Variants in TNC observed in about 807,000 individuals in gnomAD.
TNC encodes tenascin.
TNC carries 109 observed loss-of-function variants against 202.4 expected under a neutral mutation model. The observed-to-expected ratio is 0.54, with a 90% CI of 0.46 to 0.63. The LOEUF is 0.63. TNC is among the 30% of genes least tolerant of loss of function. TNC has a pLI of 0.00. For synonymous variants in TNC, 1,007 were observed against 1,089.7 expected (o/e 0.92, Z 1.50); for missense variants, 2,756 against 2,833.3 (o/e 0.97, Z 0.62).
chr9:115,075,987 G>T, intron 9 of TNC, 45 bp downstream of exon 9: 2 of 1,549,348 alleles, frequency 1.3e-6, no homozygotes, highest in Non-Finnish European at 1.8e-6. Flanking sequence ...TGTCTCATCT[G>T]CCCAGCACCA....
Position 115,086,700 on chromosome 9 carries a change from G to T in TNC, c.1031C>A (p.Pro344His), listed in dbSNP as rs1004991917. 6.2e-7 allele frequency: 1 copy of T among 1,613,912 alleles called. No individual in the cohort carries two copies. Among genetic ancestry groups the T allele is most frequent in the Non-Finnish European group, 8.5e-7 (1 of 1,180,042 alleles). ...EGFTGEDCGK[P>H]TCPHACHTQG... ...GGTGTGGCAGGCATGTGGGCAGGTG[G>T]GTTTCCCGCAGTCTTCACCTGTGAA... The change falls in exon 3 of 28, where the codon CCC (proline) becomes CAC (histidine). Residue 344 changes from proline (P) to histidine (H), a missense_variant. By Grantham distance (77) the Pro-to-His change is moderately conservative. This residue lies in a region of TNC where 2,559 missense variants were observed against 2,546.0 expected (regional missense o/e 1.01). Transcript: ENST00000350763.
intron 3 of TNC, among the ~76,000 whole-genome samples, chr9:115,084,939 G>A (rs1834593564): frequency 6.6e-6 from 1 of 152,158 alleles, no homozygotes; most frequent in Non-Finnish European, 1.5e-5. Flanking sequence ...TTTAGAACTT[G>A]TATCTCCTCC....
intron 10 of TNC, among the ~76,000 whole-genome samples, chr9:115,066,997 C>A (rs536954312): frequency 3.2e-4 from 49 of 152,180 alleles, no homozygotes; most frequent in Non-Finnish European, 5.9e-4. Flanking sequence ...CGACTCATAT[C>A]CTAAAGCTTA....
intron 22 of TNC, 95 bp downstream of exon 22, chr9:115,035,109 G>T: frequency 1.4e-6 from 2 of 1,411,234 alleles, no homozygotes; most frequent in African/African-American, 1.5e-5. Flanking sequence ...CAGATGCACT[G>T]GGGTAGAAAA....
chr9:115,087,676 T>C (rs1201953752), intron 2 of TNC, among the ~76,000 whole-genome samples: 2 of 150,504 alleles, frequency 1.3e-5, no homozygotes, highest in Non-Finnish European at 2.9e-5. Flanking sequence ...AGGCTGGGGC[T>C]ATGTTACTAT....
rs769746023 is a variant in TNC, at chr9:115,064,739, G to A, written c.3395C>T (p.Pro1132Leu). ...VPGSLRAVDI[P>L]GLKAATPYTV... The stretch of plus-strand genomic sequence containing the variant: ...ATAAGGCGTAGCAGCCTTGAGGCCC[G>A]GTATGTCCACAGCCCGAAGGCTGCC... Residue 1132 changes from proline to leucine, a missense_variant, in exon 11 of 28, where the codon CCG (proline) becomes CTG (leucine). Pro to Leu is a moderately conservative substitution (Grantham distance 98). This residue lies in a region of TNC where 2,559 missense variants were observed against 2,546.0 expected (regional missense o/e 1.01). Coordinates refer to ENST00000350763, the MANE Select transcript of TNC (RefSeq NM_002160.4). 4.8e-5 allele frequency: 77 copies of A among 1,614,036 alleles called. No individual in the cohort carries two copies. The highest frequency in any genetic ancestry group is 1.6e-4 in the Middle Eastern group (1 of 6,084).
intron 4 of TNC, among the ~76,000 whole-genome samples, chr9:115,083,207 T>C (rs1834439099): frequency 6.6e-6 from 1 of 152,152 alleles, no homozygotes. Context: ...GTGAGTGATA[T>C]ACTCCACTCC....
intron 11 of TNC, among the ~76,000 whole-genome samples, chr9:115,064,392 G>C (rs899874637): frequency 1.3e-5 from 2 of 152,120 alleles, no homozygotes; most frequent in African/African-American, 2.4e-5. Context: ...GGAGCTAAAG[G>C]CCCTCTGCAT....
At chr9:115,111,920 A>G (rs1379563007) in intron 1 of TNC, among the ~76,000 whole-genome samples, 1 of 152,090 alleles carries the variant, frequency 6.6e-6, no homozygotes, top group African/African-American at 2.4e-5. Context: ...TGAGACATCA[A>G]CCCTGTCCAA....
intron 1 of TNC, among the ~76,000 whole-genome samples, chr9:115,092,227 G>A (rs938285410): frequency 2.0e-5 from 3 of 152,182 alleles, no homozygotes; most frequent in East Asian, 1.9e-4. Flanking sequence ...GGAAAGGGAG[G>A]GTAAAATTTA....
intron 7 of TNC, 147 bp downstream of exon 7, chr9:115,077,796 A>G (rs1833990013): frequency 2.4e-6 from 2 of 849,624 alleles, no homozygotes; most frequent in South Asian, 5.5e-5. Flanking sequence ...ATAAATTGCT[A>G]CAATATTTTA....
Position 115,020,985 on chromosome 9 carries a change from G to A in TNC, c.*172C>T. The A allele has an allele frequency of 3.5e-6, 2 of 563,696 alleles. No homozygotes were observed. The highest frequency in any genetic ancestry group is 4.9e-5 in the South Asian group (2 of 40,422). The allele number at this position is 563,696 out of a possible 1,614,324, so 34.9% of individuals were successfully genotyped here. On this transcript the variant is annotated 3_prime_UTR_variant, in exon 28 of 28. Transcript: ENST00000350763. ...CTTTGGTGCAAAGAAAGAAATCACA[G>A]AGGAGGTGAGGCCCATGCTGTTGCC... is the stretch of plus-strand genomic sequence containing the variant.
rs1406121858 is a variant in TNC at position 115,057,239 on chromosome 9, A to G, written c.4493T>C (p.Leu1498Pro). Residue 1498 changes from leucine (L) to proline (P), a missense_variant, in exon 15 of 28, where the codon CTA (leucine) becomes CCA (proline). Leu to Pro is a moderately conservative substitution (Grantham distance 98). Coordinates refer to ENST00000350763, the MANE Select transcript of TNC (RefSeq NM_002160.4). Reference sequence around the variant, plus strand: ...GACAATAAAATCAGTACTAGGGGGTAGCCCTGAGATATGGGCAGTTCGTTC... The same window carrying G: ...GACAATAAAATCAGTACTAGGGGGTGGCCCTGAGATATGGGCAGTTCGTTC... ...GAERTAHISG[L>P]PPSTDFIVYL... is the part of the protein sequence containing the mutation. The G allele has an allele frequency of 6.2e-7, 1 of 1,614,206 alleles. No homozygotes were observed.
Position 115,046,690 on chromosome 9 carries a change from G to A in TNC, c.4853-8C>T, listed in dbSNP as rs973127649. 1 of 1,611,340 alleles carries A rather than the reference G, an allele frequency of 6.2e-7. No homozygotes were observed. On this transcript the variant is annotated splice_region_variant and splice_polypyrimidine_tract_variant and intron_variant, in intron 16 of 27. Transcript: ENST00000350763. ...CAACTTCCGGTTCGGCTTCTAGAGG[G>A]AGAGAAAATGGTGGGAGAAGGAGGA...
chr9:115,081,828 A>T lies in TNC; in HGVS notation c.2348T>A (p.Leu783Gln). The T allele has an allele frequency of 6.2e-7, 1 of 1,612,186 alleles. No individual in the cohort carries two copies. The highest frequency in any genetic ancestry group is 8.5e-7 in the Non-Finnish European group (1 of 1,179,516). ...CCGGGTATTGTTTTTCACTATGTGC[A>T]GAGATATCTCATACTCTTGCCCAGG... Reference protein sequence around the residue: ...LAPGQEYEISLHIVKNNTRGP... With the variant: ...LAPGQEYEISQHIVKNNTRGP... Residue 783 changes from leucine to glutamine, a missense_variant, in exon 6 of 28, where the codon CTG (leucine) becomes CAG (glutamine). Around this residue, in one of 2 missense-constraint regions of TNC, gnomAD observed 2,559 missense variants for 2,546.0 expected, o/e 1.01. Coordinates refer to ENST00000350763, the MANE Select transcript of TNC (RefSeq NM_002160.4).
intron 21 of TNC, 142 bp downstream of exon 21, chr9:115,035,956 G>C (rs981803480): frequency 3.1e-6 from 3 of 970,186 alleles, no homozygotes; most frequent in Admixed American, 2.3e-5. Context: ...GTGGGCACTG[G>C]TGAATTTAAG....
At position 115,086,734 on chromosome 9, in the gene TNC, C is replaced by T. The variant is rs781485268; in HGVS notation, c.997G>A (p.Glu333Lys). 17 of 1,613,884 alleles carry T rather than the reference C, an allele frequency of 1.1e-5. No individual in the cohort carries two copies. Among genetic ancestry groups the T allele is most frequent in the Middle Eastern group, 3.3e-4 (2 of 6,084 alleles). Reference sequence around the variant, plus strand: ...CAGTCTTCACCTGTGAAGCCTTCTTCGCAGTAGCAGGTGCCATTGATGCAG... The same window carrying T: ...CAGTCTTCACCTGTGAAGCCTTCTTTGCAGTAGCAGGTGCCATTGATGCAG... ...GRCINGTCYC[E>K]EGFTGEDCGK... The change falls in exon 3 of 28, where the codon GAA becomes AAA. Residue 333 changes from glutamate (E) to lysine (K), a missense_variant. Around this residue, in one of 2 missense-constraint regions of TNC, gnomAD observed 2,559 missense variants for 2,546.0 expected, o/e 1.01. Coordinates refer to ENST00000350763, the MANE Select transcript of TNC (RefSeq NM_002160.4).
intron 2 of TNC, among the ~76,000 whole-genome samples, chr9:115,090,200 A>G (rs1400350276): frequency 1.3e-5 from 2 of 152,134 alleles, no homozygotes; most frequent in Non-Finnish European, 2.9e-5. Context: ...CCTATCAGAG[A>G]GTGCTCTCTG....
rs375232459 is a variant in TNC at position 115,081,847 on chromosome 9, G to T, written c.2329C>A (p.Gln777Lys). 9.9e-6 allele frequency: 16 copies of T among 1,608,314 alleles called. No individual in the cohort carries two copies. The highest frequency in any genetic ancestry group is 1.4e-5 in the Non-Finnish European group (16 of 1,178,498). The change falls in exon 6 of 28, where the codon CAA becomes AAA. Residue 777 changes from glutamine to lysine, a missense_variant. Physicochemically the swap from Gln to Lys is moderately conservative, Grantham distance 53 (BLOSUM62 1). This residue lies in a region of TNC where 2,559 missense variants were observed against 2,546.0 expected (regional missense o/e 1.01). Coordinates refer to ENST00000350763, the MANE Select transcript of TNC (RefSeq NM_002160.4). ...SYRQTGLAPG[Q>K]EYEISLHIVK... ...ATGTGCAGAGATATCTCATACTCTT[G>T]CCCAGGAGCTAGACCAGTTTGCCGG...
Sources: gnomAD v4.1 joint callset for allele counts (sites outside exome capture counted in the v4.1 genomes callset) on GRCh38, gnomAD v4.1.1 for gene constraint, gnomAD v4.1.1 regional missense constraint, MANE v1.5 for transcripts, NCBI Gene and HGNC (gene_info 2026-07-23, HGNC 2026-07-21) for gene names.